The following CEP128 variants were observed in gnomAD, a reference collection of about 807,000 sequenced individuals.
The protein encoded by CEP128 is centrosomal protein 128kDa.
CEP128 carries 132 observed loss-of-function variants against 156.7 expected under a neutral mutation model. That is an observed-to-expected ratio of 0.84 (90% CI 0.73 to 0.97). The LOEUF is 0.97. CEP128 is among the 50% of genes least tolerant of loss of function. CEP128 has a pLI of 0.00. For missense variants in CEP128, 1,252 were observed against 1,281.9 expected (o/e 0.98, Z 0.36); for synonymous variants, 469 against 448.9 (o/e 1.04, Z -0.57).
At chr14:80,810,344 A>AAAAAG in intron 13 of CEP128, among the ~76,000 whole-genome samples, 3 of 148,762 alleles carry the variant, frequency 2.0e-5, no homozygotes, top group Admixed American at 6.7e-5. Context: ...AAAAAAAAAA[A>AAAAAG]AAAAGAATAT....
chr14:80,544,201 A>G (rs924896446), intron 21 of CEP128, among the ~76,000 whole-genome samples: 4 of 152,190 alleles, frequency 2.6e-5, no homozygotes, highest in Admixed American at 2.6e-4. Flanking sequence ...CGTGTATACT[A>G]TATCATAATT....
intron 20 of CEP128, among the ~76,000 whole-genome samples, chr14:80,577,465 C>T (rs1018019924): frequency 1.3e-5 from 2 of 152,128 alleles, no homozygotes; most frequent in African/African-American, 4.8e-5. Flanking sequence ...TCGAGAAACA[C>T]AAGAATCATT....
chr14:80,572,783 G>T (rs1891198308), intron 20 of CEP128, among the ~76,000 whole-genome samples: 1 of 152,178 alleles, frequency 6.6e-6, no homozygotes, highest in Non-Finnish European at 1.5e-5. Context: ...ACTCTTGACA[G>T]TTGAGCCAAG....
At chr14:80,737,457 G>T (rs542888017) in intron 19 of CEP128, among the ~76,000 whole-genome samples, 122 of 151,680 alleles carry the variant, frequency 8.0e-4, no homozygotes, top group Non-Finnish European at 1.5e-3. Flanking sequence ...AATAAAAGAA[G>T]GGGTAACTTC....
chr14:80,540,487 C>T (rs2140308416), intron 21 of CEP128, among the ~76,000 whole-genome samples: 1 of 152,302 alleles, frequency 6.6e-6, no homozygotes, highest in East Asian at 1.9e-4. Flanking sequence ...CCTGGTGTGG[C>T]CAGGTAGGAG....
rs1277218078 is a variant in CEP128 at position 80,753,864 on chromosome 14, A to G, written c.2613+3028T>C. Among the ~76,000 whole-genome samples, 8 of 152,334 alleles carry G rather than the reference A, an allele frequency of 5.3e-5. No individual in the cohort carries two copies. The East Asian group carries it at 1.5e-3, about 29-fold the overall frequency. On this transcript the variant is annotated intron_variant, in intron 18 of 24. Transcript: ENST00000555265. ...ATCTCTTTCTCCATTACCCTAGAAT[A>G]TAACATCTCTCATCATGTGTATGCT...
At chr14:80,489,267 T>TAAAAAAAA (rs35135843), downstream of CEP128, among the ~76,000 whole-genome samples, 1 of 108,006 alleles carries the variant, frequency 9.3e-6, no homozygotes. Context: ...TTGTAAAAGC[T>TAAAAAAAA]AAAAAAAAAA....
intron 2 of CEP128, among the ~76,000 whole-genome samples, chr14:80,930,449 AC>A (rs1221359067): frequency 6.6e-6 from 1 of 152,208 alleles, no homozygotes; most frequent in African/African-American, 2.4e-5. Flanking sequence ...TGAGTAAAAA[AC>A]AAATGTCACT....
chr14:80,936,427 G>A (rs1328814639), intron 2 of CEP128, among the ~76,000 whole-genome samples: 1 of 152,048 alleles, frequency 6.6e-6, no homozygotes, highest in African/African-American at 2.4e-5. Flanking sequence ...AGGGAAGGAG[G>A]GAAGGAGGGA....
At chr14:80,516,972 T>C (rs538621721) in intron 23 of CEP128, among the ~76,000 whole-genome samples, 17 of 152,334 alleles carry the variant, frequency 1.1e-4, no homozygotes, top group East Asian at 7.7e-4. Context: ...TAGTTAATTG[T>C]TCAATTTGGT....
At chr14:80,948,164 C>G (rs1886386821) in intron 2 of CEP128, among the ~76,000 whole-genome samples, 1 of 152,210 alleles carries the variant, frequency 6.6e-6, no homozygotes, top group Non-Finnish European at 1.5e-5. Flanking sequence ...GAAATTCACT[C>G]TCTTTACATC....
chr14:80,704,378 G>A (rs1220494066), intron 19 of CEP128, among the ~76,000 whole-genome samples: 1 of 151,918 alleles, frequency 6.6e-6, no homozygotes, highest in Non-Finnish European at 1.5e-5. Flanking sequence ...GAAGGATTTA[G>A]TTATTTTTTT....
intron 8 of CEP128, among the ~76,000 whole-genome samples, chr14:80,875,288 GAT>G (rs1888228084): frequency 6.6e-6 from 1 of 152,180 alleles, no homozygotes. Flanking sequence ...CAAGTAATAA[GAT>G]AATCCAAGAT....
chr14:80,801,993 T>C (rs1883900284), intron 13 of CEP128, among the ~76,000 whole-genome samples: 1 of 139,038 alleles, frequency 7.2e-6, no homozygotes, highest in Non-Finnish European at 1.5e-5. Context: ...TGAGATACCA[T>C]CTCATGCTAG....
chr14:80,862,630 C>T (rs907501718), intron 9 of CEP128, 127 bp downstream of exon 9: 2 of 689,828 alleles, frequency 2.9e-6, no homozygotes, highest in Admixed American at 2.2e-5. Context: ...TGAACTATAA[C>T]CAATATGTGA....
chr14:80,780,258 C>T (rs1435288384), intron 15 of CEP128, among the ~76,000 whole-genome samples: 1 of 152,136 alleles, frequency 6.6e-6, no homozygotes, highest in Non-Finnish European at 1.5e-5. Context: ...TATAGAGCTA[C>T]TTGTCTAAAA....
intron 13 of CEP128, among the ~76,000 whole-genome samples, chr14:80,814,488 A>AC (rs1302385655): frequency 6.6e-6 from 1 of 151,792 alleles, no homozygotes; most frequent in Non-Finnish European, 1.5e-5. Context: ...TTGGTTAAAA[A>AC]AAAAATTATT....
chr14:80,757,218 G>C (rs1566897106), intron 17 of CEP128, among the ~76,000 whole-genome samples: 1 of 152,130 alleles, frequency 6.6e-6, no homozygotes, highest in African/African-American at 2.4e-5. Flanking sequence ...AGGATATATG[G>C]AGGCTGATTC....
chr14:80,861,971 A>T (rs1228589931), intron 9 of CEP128, among the ~76,000 whole-genome samples: 1 of 152,194 alleles, frequency 6.6e-6, no homozygotes, highest in Non-Finnish European at 1.5e-5. Context: ...AGAATAAATG[A>T]TGAAGCAAGT....
Sources: allele counts gnomAD v4.1 joint callset (sites outside exome capture counted in the v4.1 genomes callset), GRCh38; gene constraint gnomAD v4.1.1; transcripts MANE v1.5; gene names NCBI Gene and HGNC (gene_info 2026-07-23, HGNC 2026-07-21).